DAAM2: variants seen among roughly 807,000 people sequenced by gnomAD.
DAAM2 encodes the protein disheveled-associated activator of morphogenesis 2.
DAAM2 carries 39 observed loss-of-function variants against 120.7 expected under a neutral mutation model. The ratio of observed to expected loss-of-function variants is 0.32; its 90% CI spans 0.25 to 0.42. The LOEUF (loss-of-function observed/expected upper bound fraction) is 0.42, where lower values mean the gene tolerates loss of function less well. Ranked by LOEUF, DAAM2 falls within the 10% of genes least tolerant of loss-of-function variation. The probability of loss-of-function intolerance (pLI) is 1.00; values close to 1 mark genes in which losing one functional copy is unlikely to be tolerated. For synonymous variants in DAAM2, 488 were observed against 524.9 expected, an observed-to-expected ratio of 0.93 and a Z score of 0.96; for missense variants, 1,283 against 1,401.7, an observed-to-expected ratio of 0.92 and a Z score of 1.35.
chr6:39,857,273 T>A (rs1764046273), intron 2 of DAAM2, among the ~76,000 whole-genome samples: 1 of 152,210 alleles, frequency 6.6e-6, no homozygotes, highest in Non-Finnish European at 1.5e-5. Flanking sequence ...TACCATTAGC[T>A]CTTGGTCACT....
intron 1 of DAAM2, among the ~76,000 whole-genome samples, chr6:39,839,342 GA>G (rs1346160217): frequency 6.6e-6 from 1 of 152,198 alleles, no homozygotes; most frequent in Non-Finnish European, 1.5e-5. Context: ...TGTTTACTTA[GA>G]AACTCTGAGG....
chr6:39,814,418 C>G (rs967504355), intron 1 of DAAM2, among the ~76,000 whole-genome samples: 4 of 152,168 alleles, frequency 2.6e-5, no homozygotes, highest in African/African-American at 9.7e-5. Flanking sequence ...GTTTCCCTGG[C>G]CACAGATGGA....
intron 2 of DAAM2, among the ~76,000 whole-genome samples, chr6:39,858,071 G>T (rs893113846): frequency 4.6e-5 from 7 of 152,040 alleles, no homozygotes; most frequent in Non-Finnish European, 7.4e-5. Flanking sequence ...AGTGAATGAG[G>T]TTCAGGACAA....
chr6:39,818,822 G>A (rs1582616437), intron 1 of DAAM2: 1 of 152,144 alleles, frequency 6.6e-6, no homozygotes, highest in South Asian at 2.1e-4. Flanking sequence ...GGAGCCAGCT[G>A]TCGCTCTGTG....
intron 5 of DAAM2, 121 bp downstream of exon 5, chr6:39,865,195 C>T: frequency 1.5e-6 from 1 of 665,318 alleles, no homozygotes; most frequent in East Asian, 2.8e-5. Context: ...CTCTGCCTCA[C>T]CTGACTTCAC....
chr6:39,823,999 A>C (rs1454898167), intron 1 of DAAM2, among the ~76,000 whole-genome samples: 8 of 152,034 alleles, frequency 5.3e-5, no homozygotes, highest in Admixed American at 2.0e-4. Context: ...CTGGGTGGTC[A>C]TTCTGGTCGT....
At chr6:39,887,761 TGCAG>T (rs1282001860) in intron 16 of DAAM2, 169 bp downstream of exon 16, 1 of 564,428 alleles carries the variant, frequency 1.8e-6, no homozygotes, top group East Asian at 3.1e-5. Context: ...TTTGGGGCTC[TGCAG>T]GCAGGAAACT....
chr6:39,847,118 C>T (rs13214925), intron 1 of DAAM2, among the ~76,000 whole-genome samples: 1 of 152,212 alleles, frequency 6.6e-6, no homozygotes, highest in South Asian at 2.1e-4. Context: ...CCCCGGGGGC[C>T]AGGTGGGGCC....
At chr6:39,841,940 G>A (rs1460404610) in intron 1 of DAAM2, among the ~76,000 whole-genome samples, 1 of 152,200 alleles carries the variant, frequency 6.6e-6, no homozygotes, top group Non-Finnish European at 1.5e-5. Context: ...TGTTGACAGA[G>A]AGGAGGGGGA....
At position 39,878,450 on chromosome 6, in the gene DAAM2, C is replaced by T. The variant is rs764775413; in HGVS notation, c.1407C>T (p.Cys469=). The T allele has an allele frequency of 3.5e-5, 56 of 1,611,136 alleles. No individual in the cohort carries two copies. The highest frequency in any genetic ancestry group is 6.6e-5 in the South Asian group (6 of 90,444). The change falls in exon 13 of 25, where the codon TGC becomes TGT. Residue 469 remains cysteine (C), a synonymous_variant. Coordinates refer to ENST00000274867, the MANE Select transcript of DAAM2 (RefSeq NM_001201427.2). This position sits in a 1 kb window ranked among gnomAD's most constrained non-coding sequence, Gnocchi z 5.0. Reference sequence around the variant, plus strand: ...GTCTGGAGAGGAAGGAGCGGGAATGCGAGACAAAGACATTGGAGAAGGAAG... The same window carrying T: ...GTCTGGAGAGGAAGGAGCGGGAATGTGAGACAAAGACATTGGAGAAGGAAG... ...VSRLERKERE[C]ETKTLEKEEM... is the part of the protein sequence containing the mutation.
At chr6:39,860,280 G>T (rs1764159494) in intron 2 of DAAM2, among the ~76,000 whole-genome samples, 1 of 152,174 alleles carries the variant, frequency 6.6e-6, no homozygotes, top group Admixed American at 6.5e-5. Context: ...GCAGTGGGAG[G>T]GGCTGCCTCC....
At chr6:39,851,559 G>A (rs974261214) in intron 1 of DAAM2, among the ~76,000 whole-genome samples, 2 of 152,230 alleles carry the variant, frequency 1.3e-5, no homozygotes, top group Non-Finnish European at 1.5e-5. Flanking sequence ...GGCTTTTGAA[G>A]TCCTGAAATG....
At chr6:39,821,611 C>T (rs1418195721) in intron 1 of DAAM2, 1 of 152,138 alleles carries the variant, frequency 6.6e-6, no homozygotes, top group East Asian at 1.9e-4. Context: ...GGACTGGGAT[C>T]CCCAGTGGGT....
chr6:39,856,537 C>A, intron 2 of DAAM2, 67 bp downstream of exon 2: 1 of 1,279,016 alleles, frequency 7.8e-7, no homozygotes, highest in Non-Finnish European at 1.0e-6. Context: ...CAGAGCTGGA[C>A]AGAGGGCAGG....
intron 1 of DAAM2, among the ~76,000 whole-genome samples, chr6:39,845,626 T>TGCC (rs1562022321): frequency 6.6e-6 from 1 of 151,742 alleles, no homozygotes; most frequent in African/African-American, 2.4e-5. Context: ...GAGTCAAAGA[T>TGCC]ATGCATTCAT....
chr6:39,850,395 A>C (rs1316284826), intron 1 of DAAM2, among the ~76,000 whole-genome samples: 1 of 151,882 alleles, frequency 6.6e-6, no homozygotes, highest in Non-Finnish European at 1.5e-5. Context: ...CCTCCTTCTC[A>C]GGGCTGCCCA....
chr6:39,850,188 G>A (rs1763753771), intron 1 of DAAM2, among the ~76,000 whole-genome samples: 1 of 152,182 alleles, frequency 6.6e-6, no homozygotes, highest in Non-Finnish European at 1.5e-5. Flanking sequence ...CACTGGTCAG[G>A]ACTCTGGGCT....
intron 1 of DAAM2, among the ~76,000 whole-genome samples, chr6:39,814,518 T>C (rs1762254670): frequency 6.6e-6 from 1 of 152,222 alleles, no homozygotes; most frequent in East Asian, 1.9e-4. Context: ...TTTTACAGAT[T>C]TGGAAACTAA....
intron 22 of DAAM2, chr6:39,899,840 C>T (rs1766363053): frequency 7.8e-6 from 3 of 386,930 alleles, no homozygotes; most frequent in African/African-American, 4.2e-5. Flanking sequence ...CTAGGTGATG[C>T]TGCTGGCCCC....
Sources: gnomAD v4.1 joint callset for allele counts (sites outside exome capture counted in the v4.1 genomes callset) on GRCh38, gnomAD v4.1.1 for gene constraint, Gnocchi (gnomAD v3.1) non-coding constraint, MANE v1.5 for transcripts, NCBI Gene and HGNC (gene_info 2026-07-23, HGNC 2026-07-21) for gene names.